Variants in KCNMA1 observed in about 807,000 individuals in gnomAD.
KCNMA1 encodes Calcium-activated potassium channel subunit alpha-1.
Under a neutral mutation model 140.0 loss-of-function variants are expected in KCNMA1, and 29 were observed. That is an observed-to-expected ratio of 0.21 (90% CI 0.15 to 0.28). The LOEUF (loss-of-function observed/expected upper bound fraction) is 0.28, where lower values mean the gene tolerates loss of function less well. Among genes scored for constraint, KCNMA1 ranks in the 10% least tolerant of loss-of-function variants. The pLI is 1.00. For synonymous variants in KCNMA1, 612 were observed against 611.9 expected, an observed-to-expected ratio of 1.00 and a Z score of 0.00; for missense variants, 880 against 1,602.2, an observed-to-expected ratio of 0.55 and a Z score of 7.70.
intron 1 of KCNMA1, among the ~76,000 whole-genome samples, chr10:77,578,073 G>T (rs758450097): frequency 3.5e-4 from 54 of 152,306 alleles, no homozygotes; most frequent in Middle Eastern, 3.4e-3. Flanking sequence ...CAGTGCCTCT[G>T]GACACCTCCA....
At position 76,886,731 on chromosome 10, in the gene KCNMA1, C is replaced by T. The variant is rs533091699; in HGVS notation, c.*535G>A. 9.9e-7 allele frequency: 1 copy of T among 1,006,892 alleles called. No homozygotes were observed. The highest frequency in any genetic ancestry group is 9.8e-5 in the East Asian group (1 of 10,242). 62.4% of individuals were successfully genotyped at this position (1,006,892 alleles called of 1,614,324 possible). ...AAAGCTTTTCAAATGCTTCGCAATA[C>T]TTCGGCCCAGAGACTGGAAACAATC... On this transcript the variant is annotated 3_prime_UTR_variant, in exon 28 of 28. Transcript: ENST00000286628.
rs575100490 is a variant in KCNMA1, at chr10:77,592,936, C to A, written c.378+44329G>T. Reference sequence around the variant, plus strand: ...GGTCCAATAAAGACCAAGGTTGAGACCAGGAGCACCTCCACCTTCTTTGTT... The same window carrying A: ...GGTCCAATAAAGACCAAGGTTGAGAACAGGAGCACCTCCACCTTCTTTGTT... On this transcript the variant is annotated intron_variant, in intron 1 of 27. Transcript: ENST00000286628. Among the ~76,000 whole-genome samples the A allele has an allele frequency of 2.6e-5, 4 of 152,288 alleles. No homozygotes were observed. In the South Asian group the frequency reaches 8.3e-4, roughly 32 times the overall value.
At chr10:77,200,150 C>A (rs2041995171) in intron 3 of KCNMA1, among the ~76,000 whole-genome samples, 1 of 152,084 alleles carries the variant, frequency 6.6e-6, no homozygotes, top group Non-Finnish European at 1.5e-5. Flanking sequence ...AGGGTTTCAC[C>A]ATGTTGGCTA....
intron 17 of KCNMA1, chr10:77,012,372 A>G (rs2091002990): frequency 7.9e-6 from 12 of 1,510,910 alleles, no homozygotes; most frequent in Middle Eastern, 1.9e-4. Flanking sequence ...TCGTGGGGAC[A>G]TGTGGGCAAT....
chr10:77,145,105 A>G (rs991696605), intron 5 of KCNMA1, among the ~76,000 whole-genome samples: 17 of 151,832 alleles, frequency 1.1e-4, no homozygotes, highest in Admixed American at 2.6e-4. Context: ...GTAAATAAAA[A>G]CCCCACCTAT....
chr10:77,317,475 T>A (rs1268939749), intron 2 of KCNMA1, among the ~76,000 whole-genome samples: 1 of 152,200 alleles, frequency 6.6e-6, no homozygotes, highest in Non-Finnish European at 1.5e-5. Context: ...TATGCTCAGA[T>A]GAGTATTGGA....
intron 1 of KCNMA1, among the ~76,000 whole-genome samples, chr10:77,426,100 CAT>C (rs1566773007): frequency 1.3e-5 from 2 of 152,182 alleles, no homozygotes; most frequent in East Asian, 3.9e-4. Flanking sequence ...GTAAAATGAG[CAT>C]ATGAGTCCCA....
chr10:77,621,550 C>G (rs1202587272), intron 1 of KCNMA1, among the ~76,000 whole-genome samples: 2 of 152,002 alleles, frequency 1.3e-5, no homozygotes, highest in Middle Eastern at 3.2e-3. Flanking sequence ...ACACACACCC[C>G]TCTCTCAAGT....
chr10:77,306,474 G>C (rs1477039939), intron 2 of KCNMA1, among the ~76,000 whole-genome samples: 2 of 152,218 alleles, frequency 1.3e-5, no homozygotes, highest in African/African-American at 4.8e-5. Flanking sequence ...GAGCCCAGCT[G>C]TTTGCTGCTG....
intron 1 of KCNMA1, among the ~76,000 whole-genome samples, chr10:77,457,107 C>T (rs188817456): frequency 8.5e-5 from 13 of 152,218 alleles, no homozygotes; most frequent in African/African-American, 1.2e-4. Context: ...AGGACCCCTC[C>T]GAAGTTCATT....
intron 1 of KCNMA1, among the ~76,000 whole-genome samples, chr10:77,626,706 C>G (rs528524726): frequency 7.9e-5 from 12 of 152,168 alleles, no homozygotes; most frequent in Non-Finnish European, 1.6e-4. Context: ...CCCACAAACC[C>G]TTCCAACGCT....
chr10:77,100,667 A>T (rs1192224765), intron 9 of KCNMA1, among the ~76,000 whole-genome samples: 1 of 152,214 alleles, frequency 6.6e-6, no homozygotes, highest in African/African-American at 2.4e-5. Context: ...ACCATTTTGC[A>T]CAGCTCTGGA....
chr10:77,063,231 G>A (rs934119337), intron 14 of KCNMA1, among the ~76,000 whole-genome samples: 10 of 152,098 alleles, frequency 6.6e-5, no homozygotes, highest in Non-Finnish European at 1.3e-4. Context: ...TGGGCAACAT[G>A]GTGAAACCCC....
chr10:77,096,746 AAAGAGGTAGATG>A (rs1310213997), intron 9 of KCNMA1, among the ~76,000 whole-genome samples: 1 of 152,212 alleles, frequency 6.6e-6, no homozygotes, highest in African/African-American at 2.4e-5. Context: ...TCACTTTGTC[AAAGAGGTAGATG>A]AAATGTGGCA....
chr10:77,380,141 T>C (rs2095330528), intron 2 of KCNMA1, among the ~76,000 whole-genome samples: 1 of 152,208 alleles, frequency 6.6e-6, no homozygotes, highest in Admixed American at 6.5e-5. Context: ...ACAAAATATT[T>C]TGGAAATTTT....
At chr10:77,320,453 C>T (rs72642269) in intron 2 of KCNMA1, among the ~76,000 whole-genome samples, 2 of 151,904 alleles carry the variant, frequency 1.3e-5, no homozygotes, top group African/African-American at 4.8e-5. Flanking sequence ...AGGCTGAGAC[C>T]CTAGGCACAC....
intron 2 of KCNMA1, among the ~76,000 whole-genome samples, chr10:77,310,864 A>T (rs1233638947): frequency 1.3e-5 from 2 of 152,152 alleles, no homozygotes; most frequent in African/African-American, 4.8e-5. Context: ...ATGAACAGAA[A>T]AGTCTATTTA....
At chr10:77,162,585 C>A (rs982711988) in intron 5 of KCNMA1, among the ~76,000 whole-genome samples, 1 of 152,136 alleles carries the variant, frequency 6.6e-6, no homozygotes, top group Non-Finnish European at 1.5e-5. Context: ...ACCTGGAAGA[C>A]CCGAGCCAAA....
At chr10:77,129,161 C>A (rs1564709759) in intron 5 of KCNMA1, among the ~76,000 whole-genome samples, 3 of 152,052 alleles carry the variant, frequency 2.0e-5, no homozygotes, top group Non-Finnish European at 2.9e-5. Context: ...TTTTCTCTAA[C>A]CTTTAATTTG....
Sources: allele counts gnomAD v4.1 joint callset (sites outside exome capture counted in the v4.1 genomes callset), GRCh38; gene constraint gnomAD v4.1.1; transcripts MANE v1.5; gene names NCBI Gene and HGNC (gene_info 2026-07-23, HGNC 2026-07-21).